The following MYOZ2 variants were observed in gnomAD, a reference collection of about 807,000 sequenced individuals.
MYOZ2 encodes the protein myozenin 2.
A neutral mutation model predicts 25.4 loss-of-function variants in MYOZ2; 19 were observed. The observed-to-expected ratio is 0.75, with a 90% CI of 0.52 to 1.10. The LOEUF is 1.10. Ranked by LOEUF, MYOZ2 falls within the 50% of genes least tolerant of loss-of-function variation. The pLI is 0.00. For missense variants in MYOZ2, 270 were observed against 317.9 expected, an observed-to-expected ratio of 0.85 and a Z score of 1.15; for synonymous variants, 92 against 106.9, an observed-to-expected ratio of 0.86 and a Z score of 0.86.
At chr4:119,143,665 C>T (rs543798769) in intron 2 of MYOZ2, among the ~76,000 whole-genome samples, 2 of 152,242 alleles carry the variant, frequency 1.3e-5, no homozygotes, top group South Asian at 2.1e-4. Flanking sequence ...GATAGTTTCT[C>T]GGCCCTAAAA....
chr4:119,145,541 TG>T (rs1741271968), intron 2 of MYOZ2, among the ~76,000 whole-genome samples: 1 of 143,872 alleles, frequency 7.0e-6, no homozygotes, highest in African/African-American at 2.5e-5. Context: ...TGTGTGTGTG[TG>T]TGTGTGTTTT....
chr4:119,147,732 A>G (rs1741334790), intron 2 of MYOZ2, among the ~76,000 whole-genome samples: 1 of 119,964 alleles, frequency 8.3e-6, no homozygotes. Flanking sequence ...TGACAGAGTA[A>G]GACTCTGTCT....
chr4:119,149,213 C>A (rs372542232), intron 2 of MYOZ2, among the ~76,000 whole-genome samples: 1 of 152,144 alleles, frequency 6.6e-6, no homozygotes, highest in Non-Finnish European at 1.5e-5. Flanking sequence ...CAGACTCCCA[C>A]GTAGTCTTCA....
chr4:119,147,055 T>G (rs1022785836), intron 2 of MYOZ2, among the ~76,000 whole-genome samples: 2 of 152,146 alleles, frequency 1.3e-5, no homozygotes, highest in African/African-American at 4.8e-5. Context: ...TTGATATATA[T>G]TTTTCCAATC....
intron 2 of MYOZ2, among the ~76,000 whole-genome samples, chr4:119,146,563 T>A (rs1741299822): frequency 6.6e-6 from 1 of 152,130 alleles, no homozygotes; most frequent in South Asian, 2.1e-4. Context: ...TAATTTCTAG[T>A]TCGGTTTTAT....
chr4:119,174,924 C>T (rs1742028966), intron 5 of MYOZ2, among the ~76,000 whole-genome samples: 1 of 152,000 alleles, frequency 6.6e-6, no homozygotes, highest in Non-Finnish European at 1.5e-5. Flanking sequence ...CGAACAACTC[C>T]AGACGTGCTG....
chr4:119,143,484 G>A (rs191292267), intron 2 of MYOZ2, among the ~76,000 whole-genome samples: 13 of 152,272 alleles, frequency 8.5e-5, no homozygotes, highest in East Asian at 7.7e-4. Context: ...GTGAGCCACC[G>A]CGCCTGGCCT....
chr4:119,179,287 C>G (rs944296324), intron 5 of MYOZ2, among the ~76,000 whole-genome samples: 1 of 152,176 alleles, frequency 6.6e-6, no homozygotes, highest in African/African-American at 2.4e-5. Context: ...GGCCTTTGCC[C>G]TTGTTTCCTT....
rs772263709 is a variant in MYOZ2 at position 119,185,962 on chromosome 4, A to C, written c.561-4A>C. On this transcript the variant is annotated splice_polypyrimidine_tract_variant and splice_region_variant and intron_variant, in intron 5 of 5. Coordinates refer to ENST00000307128, the MANE Select transcript of MYOZ2 (RefSeq NM_016599.5). ...AGATCTGTTTTTTTTTTAATTTCCC[A>C]CAGGGTTGCCACACCATTTGGAGGT... 1 of 1,609,156 alleles carries C rather than the reference A, an allele frequency of 6.2e-7. No individual in the cohort carries two copies. The highest frequency in any genetic ancestry group is 2.2e-5 in the East Asian group (1 of 44,822).
rs1226046419 is a variant in MYOZ2 at position 119,136,616 on chromosome 4, C to A, written c.76+15C>A. 1 of 1,607,550 alleles carries A rather than the reference C, an allele frequency of 6.2e-7. No homozygotes were observed. The highest frequency in any genetic ancestry group is 8.5e-7 in the Non-Finnish European group (1 of 1,174,750). ...CCATGGAAATGGTATCAATAAAAAT[C>A]CTTCGTAGCATTAATATAGCACAGC... On this transcript the variant is annotated intron_variant, in intron 2 of 5. Coordinates refer to ENST00000307128, the MANE Select transcript of MYOZ2 (RefSeq NM_016599.5).
intron 3 of MYOZ2, among the ~76,000 whole-genome samples, chr4:119,157,504 T>C (rs1741607464): frequency 6.6e-6 from 1 of 152,142 alleles, no homozygotes; most frequent in South Asian, 2.1e-4. Context: ...TAAATGATTT[T>C]TGTGTTTTTT....
chr4:119,136,562 C>G lies in MYOZ2; in HGVS notation c.37C>G (p.Gln13Glu). The change falls in exon 2 of 6, where the codon CAG becomes GAG. Residue 13 changes from glutamine to glutamate, a missense_variant. Physicochemically the swap from Gln to Glu is conservative, Grantham distance 29 (BLOSUM62 2). Coordinates refer to ENST00000307128, the MANE Select transcript of MYOZ2 (RefSeq NM_016599.5). ...SHNTMMKQRK[Q>E]QATAIMKEVH... ...TAATACTATGATGAAGCAGAGAAAA[C>G]AGCAAGCAACAGCCATCATGAAGGA... is the stretch of plus-strand genomic sequence containing the variant. The G allele has an allele frequency of 1.2e-6, 2 of 1,613,526 alleles. No homozygotes were observed. Among genetic ancestry groups the G allele is most frequent in the East Asian group, 4.5e-5 (2 of 44,830 alleles).
intron 4 of MYOZ2, 116 bp downstream of exon 4, chr4:119,158,267 G>C: frequency 7.1e-7 from 1 of 1,411,446 alleles, no homozygotes; most frequent in Non-Finnish European, 9.7e-7. Flanking sequence ...TTCTCATTAA[G>C]TATGTTTTTG....
At chr4:119,157,134 A>G (rs1410527582) in intron 3 of MYOZ2, among the ~76,000 whole-genome samples, 1 of 152,228 alleles carries the variant, frequency 6.6e-6, no homozygotes, top group African/African-American at 2.4e-5. Flanking sequence ...CACACAAAAG[A>G]GTCAAAATCA....
At position 119,151,041 on chromosome 4, in the gene MYOZ2, T is replaced by C. The variant is rs751400543; in HGVS notation, c.246T>C (p.Asn82=). The C allele has an allele frequency of 3.7e-6, 6 of 1,607,546 alleles. No homozygotes were observed. Among genetic ancestry groups the C allele is most frequent in the Non-Finnish European group, 5.1e-6 (6 of 1,174,260 alleles). Residue 82 remains asparagine (N), a splice_region_variant and synonymous_variant, in exon 3 of 6, where the codon AAT becomes AAC. Transcript: ENST00000307128. The part of the protein sequence containing the change: ...NFQYQSRAQI[N]HSIAMQNGKV... ...AGTATCAATCTAGAGCACAAATAAA[T>C]GTAGGTATAACTTGAACAGGTAGTA...
chr4:119,142,048 A>C (rs905220248), intron 2 of MYOZ2, among the ~76,000 whole-genome samples: 1 of 152,204 alleles, frequency 6.6e-6, no homozygotes, highest in Non-Finnish European at 1.5e-5. Context: ...TATGCAATAC[A>C]TCCCTGACAC....
chr4:119,169,525 C>T (rs1217488658), intron 5 of MYOZ2, among the ~76,000 whole-genome samples: 2 of 152,184 alleles, frequency 1.3e-5, no homozygotes, highest in Admixed American at 6.5e-5. Context: ...GGTTTAAAAT[C>T]TACCAAGGAA....
At chr4:119,159,157 C>T (rs1486490358) in intron 4 of MYOZ2, among the ~76,000 whole-genome samples, 2 of 152,002 alleles carry the variant, frequency 1.3e-5, no homozygotes, top group Non-Finnish European at 2.9e-5. Context: ...AGAATTAGGG[C>T]CAGGCACAGT....
At chr4:119,150,582 T>C (rs963582806) in intron 2 of MYOZ2, among the ~76,000 whole-genome samples, 1 of 151,074 alleles carries the variant, frequency 6.6e-6, no homozygotes, top group African/African-American at 2.4e-5. Flanking sequence ...AAAGACTAAA[T>C]TGTACTAGTA....
Sources: allele counts gnomAD v4.1 joint callset (sites outside exome capture counted in the v4.1 genomes callset), GRCh38; gene constraint gnomAD v4.1.1; transcripts MANE v1.5; gene names NCBI Gene and HGNC (gene_info 2026-07-23, HGNC 2026-07-21).